Variants in ZNF408 observed in about 807,000 individuals in gnomAD.
ZNF408 encodes zinc finger protein 408.
In ZNF408, 24 loss-of-function variants were observed where a neutral mutation model predicts 27.6. That is an observed-to-expected ratio of 0.87 (90% confidence interval 0.63 to 1.22). The LOEUF is 1.22. ZNF408 is among the 50% of genes most tolerant of loss of function. The pLI, the probability that ZNF408 is intolerant of heterozygous loss-of-function variation, is 0.00. For missense variants in ZNF408, 897 were observed against 949.0 expected (o/e 0.95, Z 0.72); for synonymous variants, 410 against 396.1 (o/e 1.04, Z -0.42).
Position 46,705,748 on chromosome 11 carries a change from A to C in ZNF408, c.2048A>C (p.Glu683Ala). ...GAGGTCACCATTTCAGAAAGCCAGG[A>C]GAAGTGCTTTGTGGTGCCAGAGGAG... Reference protein sequence around the residue: ...VVEVTISESQEKCFVVPEEPD... With the variant: ...VVEVTISESQAKCFVVPEEPD... The change falls in exon 5 of 5, where the codon GAG becomes GCG. Residue 683 changes from glutamate (E) to alanine (A), a missense_variant. Transcript: ENST00000311764. The surrounding 1 kb of genome is among the most constrained non-coding windows in gnomAD (Gnocchi z 6.5). 1 of 1,611,898 alleles carries C rather than the reference A, an allele frequency of 6.2e-7. No individual in the cohort carries two copies. Among genetic ancestry groups the C allele is most frequent in the Non-Finnish European group, 8.5e-7 (1 of 1,179,156 alleles).
At position 46,701,589 on chromosome 11, in the gene ZNF408, C is replaced by T. The variant is rs2064706349; in HGVS notation, c.243C>T (p.Pro81=). 6.2e-7 allele frequency: 1 copy of T among 1,612,068 alleles called. No homozygotes were observed. Among genetic ancestry groups the T allele is most frequent in the East Asian group, 2.2e-5 (1 of 44,862 alleles). Residue 81 remains proline (P), a synonymous_variant, in exon 2 of 5, where the codon CCC becomes CCT. Coordinates refer to ENST00000311764, the MANE Select transcript of ZNF408 (RefSeq NM_024741.3). The part of the protein sequence containing the change: ...QRLGVWCVGD[P]LQPGLLWGPL... ...TGGGGGTCTGGTGTGTCGGGGACCC[C>T]CTGCAGCCCGGCCTGCTGTGGGGGC...
Position 46,702,766 on chromosome 11 carries a change from G to GT in ZNF408, c.392+2dup. 1.2e-6 allele frequency: 2 copies of GT among 1,614,196 alleles called. No individual in the cohort carries two copies. The highest frequency in any genetic ancestry group is 1.7e-6 in the Non-Finnish European group (2 of 1,180,010). On this transcript the variant is annotated splice_donor_variant, in intron 3 of 4. Transcript: ENST00000311764. LOFTEE classifies it high-confidence loss of function. ...GTGAGCAGAGTTCTGGCTGGACTAG[G>GT]TAAGTCAGAGGAGAGTGTGTCGTTC...
rs372057824 is a variant in ZNF408 at position 46,703,136 on chromosome 11, A to G, written c.545A>G (p.Gln182Arg). The G allele has an allele frequency of 3.7e-6, 6 of 1,612,388 alleles. No individual in the cohort carries two copies. The highest frequency in any genetic ancestry group is 2.2e-5 in the South Asian group (2 of 90,814). Residue 182 changes from glutamine to arginine, a missense_variant, in exon 4 of 5, where the codon CAG becomes CGG. By Grantham distance (43) the Gln-to-Arg change is conservative (BLOSUM62 1). Transcript: ENST00000311764. Reference sequence around the variant, plus strand: ...TCCTCTGAGGGCCCAAGTCTCACCCAGCCTGGGCTGGACAAAGAGGCAGCT... The same window carrying G: ...TCCTCTGAGGGCCCAAGTCTCACCCGGCCTGGGCTGGACAAAGAGGCAGCT... ...QPSSEGPSLT[Q>R]PGLDKEAAVA... is the part of the protein sequence containing the mutation.
Position 46,701,098 on chromosome 11 carries a change from C to T in ZNF408, c.51C>T (p.Leu17=), listed in dbSNP as rs2064700269. Residue 17 remains leucine (L), a splice_region_variant and synonymous_variant, in exon 1 of 5, where the codon CTC becomes CTT. Coordinates refer to ENST00000311764, the MANE Select transcript of ZNF408 (RefSeq NM_024741.3). ...LLLEGKKALQ[L]AREPRLGLDL... is the part of the protein sequence containing the mutation. ...TGGAGGGGAAGAAGGCGCTGCAACT[C>T]GGTGAGTGACCTGCGATGTCCGCGA... The T allele has an allele frequency of 1.2e-6, 2 of 1,614,142 alleles. No individual in the cohort carries two copies. The highest frequency in any genetic ancestry group is 1.7e-6 in the Non-Finnish European group (2 of 1,180,020).
At position 46,703,062 on chromosome 11, in the gene ZNF408, G is replaced by A. The variant is rs1266100991; in HGVS notation, c.471G>A (p.Val157=). ...VRISERLHLQ[V]YQLVLPGSEL... is the part of the protein sequence containing the mutation. ...TCAGCGAGAGGCTTCATCTGCAAGT[G>A]TACCAGCTGGTGCTGCCAGGCTCTG... The change falls in exon 4 of 5, where the codon GTG becomes GTA. Residue 157 remains valine (V), a synonymous_variant. Coordinates refer to ENST00000311764, the MANE Select transcript of ZNF408 (RefSeq NM_024741.3). 6.2e-7 allele frequency: 1 copy of A among 1,613,882 alleles called. No homozygotes were observed. Among genetic ancestry groups the A allele is most frequent in the Admixed American group, 1.7e-5 (1 of 59,954 alleles).
rs776097939 is a variant in ZNF408, at chr11:46,702,737, G to A, written c.364G>A (p.Ala122Thr). ...ATTAGGCCCATGGGGAGACGTGTGT[G>A]CCTGTGAGCAGAGTTCTGGCTGGAC... is the stretch of plus-strand genomic sequence containing the variant. ...LSLGPWGDVC[A>T]CEQSSGWTSL... Residue 122 changes from alanine (A) to threonine (T), a missense_variant, in exon 3 of 5, where the codon GCC becomes ACC. Ala to Thr is a moderately conservative substitution (Grantham distance 58, BLOSUM62 0). Coordinates refer to ENST00000311764, the MANE Select transcript of ZNF408 (RefSeq NM_024741.3). 45 of 1,614,096 alleles carry A rather than the reference G, an allele frequency of 2.8e-5. 2 individuals carry two copies. In the South Asian group the frequency reaches 4.9e-4, roughly 18 times the overall value.
rs373110312 is a variant in ZNF408 at position 46,705,593 on chromosome 11, T to C, written c.1893T>C (p.Pro631=). 1.9e-6 allele frequency: 3 copies of C among 1,609,378 alleles called. No individual in the cohort carries two copies. In the African/African-American group the frequency reaches 4.0e-5, roughly 21 times the overall value. The part of the protein sequence containing the change: ...SLRRHQLSHR[P]EAPCSPPSVP... The stretch of plus-strand genomic sequence containing the variant: ...GGCGGCATCAGCTCAGTCACCGGCC[T>C]GAGGCACCCTGCAGCCCACCCTCTG... The change falls in exon 5 of 5, where the codon CCT becomes CCC. Residue 631 remains proline, a synonymous_variant. Transcript: ENST00000311764. The surrounding 1 kb of genome is among the most constrained non-coding windows in gnomAD (Gnocchi z 6.5).
chr11:46,701,222 C>A, intron 1 of ZNF408, 123 bp downstream of exon 1: 1 of 1,578,606 alleles, frequency 6.3e-7, no homozygotes, highest in South Asian at 1.1e-5. Flanking sequence ...CCCTCAGAGT[C>A]GCTGGGGGCT....
intron 4 of ZNF408, among the ~76,000 whole-genome samples, chr11:46,703,879 TGCCTCA>T (rs966629540): frequency 3.6e-4 from 54 of 150,842 alleles, no homozygotes; most frequent in African/African-American, 1.3e-3. Flanking sequence ...GTGATTCTCC[TGCCTCA>T]GCCTCAGCTA....
intron 4 of ZNF408, among the ~76,000 whole-genome samples, chr11:46,703,932 A>G (rs1200707412): frequency 6.6e-6 from 1 of 151,562 alleles, no homozygotes; most frequent in Non-Finnish European, 1.5e-5. Flanking sequence ...GGGTTTCACC[A>G]TGTCAGCCAG....
intron 4 of ZNF408, 101 bp downstream of exon 4, chr11:46,703,344 C>T: frequency 7.1e-7 from 1 of 1,403,352 alleles, no homozygotes; most frequent in African/African-American, 1.4e-5. Context: ...TAAGGAAGGA[C>T]ACTATAGAGT....
rs1424824395 is a variant in ZNF408 at position 46,703,015 on chromosome 11, G to T, written c.424G>T (p.Gly142Ter). The T allele has an allele frequency of 6.2e-7, 1 of 1,614,030 alleles. No homozygotes were observed. The highest frequency in any genetic ancestry group is 8.5e-7 in the Non-Finnish European group (1 of 1,179,896). ...LVQRGRLESE[G>*]NVAPVRISER... The stretch of plus-strand genomic sequence containing the variant: ...ACAACGGGGCAGGCTGGAGAGTGAG[G>T]GAAATGTGGCCCCAGTGCGGATCAG... Residue 142 changes from glycine (G) to a stop codon, truncating the protein, a stop_gained, in exon 4 of 5, where the codon GGA becomes TGA. Coordinates refer to ENST00000311764, the MANE Select transcript of ZNF408 (RefSeq NM_024741.3). LOFTEE classifies it high-confidence loss of function.
rs1302788412 is a variant in ZNF408, at chr11:46,704,747, G to A, written c.1047G>A (p.Gln349=). 1 of 1,596,550 alleles carries A rather than the reference G, an allele frequency of 6.3e-7. No individual in the cohort carries two copies. ...PPGPAGSSPK[Q]GRRYRCGECG... ...GCCCAGCAGGAAGCTCCCCAAAGCA[G>A]GGGCGACGGTACCGGTGTGGAGAGT... Residue 349 remains glutamine (Q), a synonymous_variant, in exon 5 of 5, where the codon CAG becomes CAA. Transcript: ENST00000311764.
At position 46,704,592 on chromosome 11, in the gene ZNF408, G is replaced by T. The variant is rs371633363; in HGVS notation, c.892G>T (p.Gly298Cys). ...AGCCAGTTTCTCATCTTCTGCCAGG[G>T]GCACCCAGCCGCATGGCTACCTGGC... ...SGASFSSSAR[G>C]TQPHGYLAKK... The change falls in exon 5 of 5, where the codon GGC (glycine) becomes TGC (cysteine). Residue 298 changes from glycine (G) to cysteine (C), a missense_variant. By Grantham distance (159) the Gly-to-Cys change is radical. Coordinates refer to ENST00000311764, the MANE Select transcript of ZNF408 (RefSeq NM_024741.3). 32 of 1,613,744 alleles carry T rather than the reference G, an allele frequency of 2.0e-5. No homozygotes were observed. Among genetic ancestry groups the T allele is most frequent in the Non-Finnish European group, 2.7e-5 (32 of 1,179,946 alleles).
intron 4 of ZNF408, among the ~76,000 whole-genome samples, chr11:46,703,863 G>A (rs2064730606): frequency 1.3e-5 from 2 of 148,804 alleles, no homozygotes; most frequent in Admixed American, 1.4e-4. Flanking sequence ...TGCCTCCCAG[G>A]TTCAGGTGAT....
intron 2 of ZNF408, among the ~76,000 whole-genome samples, chr11:46,702,370 C>T (rs2134506586): frequency 6.6e-6 from 1 of 152,338 alleles, no homozygotes; most frequent in South Asian, 2.1e-4. Context: ...GCTGAGATTA[C>T]AGGTGTGAGC....
chr11:46,702,689 G>A lies in ZNF408; in HGVS notation c.331-15G>A, dbSNP rs754827219. Reference sequence around the variant, plus strand: ...TCGAACACATTTGAGAAGGACTTTTGTTGGTTTATTTCAGAACCTGTCATT... The same window carrying A: ...TCGAACACATTTGAGAAGGACTTTTATTGGTTTATTTCAGAACCTGTCATT... On this transcript the variant is annotated splice_polypyrimidine_tract_variant and intron_variant, in intron 2 of 4. Transcript: ENST00000311764. 3 of 1,612,982 alleles carry A rather than the reference G, an allele frequency of 1.9e-6. No individual in the cohort carries two copies. The highest frequency in any genetic ancestry group is 2.2e-5 in the South Asian group (2 of 91,022).
chr11:46,703,758 G>GTTTTTTTTTTTTTTTTTTTT lies in ZNF408; in HGVS notation c.652+517_652+518insTTTTTTTTTTTTTTTTTTTT, dbSNP rs371644247. 2.1e-5 allele frequency among the ~76,000 whole-genome samples: 2 copies of GTTTTTTTTTTTTTTTTTTTT among 94,174 alleles called. 1 individual carries two copies. The highest frequency in any genetic ancestry group is 4.0e-5 in the Non-Finnish European group (2 of 49,554). 61.8% of individuals were successfully genotyped at this position (94,174 alleles called of 152,430 possible). On this transcript the variant is annotated intron_variant, in intron 4 of 4. Transcript: ENST00000311764. ...TTTGTTTTGTTTTGTTGTTGTTGTT[G>GTTTTTTTTTTTTTTTTTTTT]TTGTTGTTGTTGTTTTTTTTTTTTT...
intron 4 of ZNF408, among the ~76,000 whole-genome samples, chr11:46,703,787 A>G (rs1209442894): frequency 7.2e-5 from 3 of 41,558 alleles, no homozygotes; most frequent in Admixed American, 3.5e-4. Context: ...TTTTTTTTTG[A>G]GATGGAGTCT....
Sources: allele counts gnomAD v4.1 joint callset (sites outside exome capture counted in the v4.1 genomes callset), GRCh38; gene constraint gnomAD v4.1.1; non-coding constraint Gnocchi (gnomAD v3.1); transcripts MANE v1.5; gene names NCBI Gene and HGNC (gene_info 2026-07-23, HGNC 2026-07-21).